The following TDRKH variants were observed in gnomAD, a reference collection of about 807,000 sequenced individuals.
TDRKH encodes the protein tudor and KH domain containing, also known as tudor and KH domain-containing protein.
Under a neutral mutation model 61.3 loss-of-function variants are expected in TDRKH, and 28 were observed. The ratio of observed to expected loss-of-function variants is 0.46; its 90% CI spans 0.34 to 0.63. The LOEUF (loss-of-function observed/expected upper bound fraction) is 0.63, where lower values mean the gene tolerates loss of function less well. Ranked by LOEUF, TDRKH falls within the 20% of genes least tolerant of loss-of-function variation. The pLI is 0.01. For synonymous variants in TDRKH, 219 were observed against 244.4 expected, an observed-to-expected ratio of 0.90 and a Z score of 0.97; for missense variants, 540 against 683.4, an observed-to-expected ratio of 0.79 and a Z score of 2.34.
Position 151,780,097 on chromosome 1 carries a change from T to A in TDRKH, c.275A>T (p.Asp92Val). 6.2e-7 allele frequency: 1 copy of A among 1,613,980 alleles called. No homozygotes were observed. Among genetic ancestry groups the A allele is most frequent in the Non-Finnish European group, 8.5e-7 (1 of 1,179,900 alleles). ...AAGCAGCACTCGCTCATCGCCTACA[T>A]CCTCTGTGTCCACATCAATCCGAGC... Reference protein sequence around the residue: ...TGARIDVDTEDVGDERVLLIS... With the variant: ...TGARIDVDTEVVGDERVLLIS... Residue 92 changes from aspartate to valine, a missense_variant, in exon 4 of 13, where the codon GAT (aspartate) becomes GTT (valine). Asp to Val is a radical substitution (Grantham distance 152). This residue lies in a region of TDRKH where 156 missense variants were observed against 218.0 expected (regional missense o/e 0.72). Coordinates refer to ENST00000368824, the MANE Select transcript of TDRKH (RefSeq NM_001083965.2).
In TDRKH at chr1:151,774,510, G is replaced by A. The variant is rs1648958659; in HGVS notation, c.1634-6C>T. 1 of 1,614,078 alleles carries A rather than the reference G, an allele frequency of 6.2e-7. No individual in the cohort carries two copies. Among genetic ancestry groups the A allele is most frequent in the South Asian group, 1.1e-5 (1 of 91,066 alleles). On this transcript the variant is annotated splice_region_variant and splice_polypyrimidine_tract_variant and intron_variant, in intron 12 of 12. Coordinates refer to ENST00000368824, the MANE Select transcript of TDRKH (RefSeq NM_001083965.2). The stretch of plus-strand genomic sequence containing the variant: ...ACCAGACATGGAAGCAGCTTCTATT[G>A]AAGATAAATAAGAAGGAGAAAGTTA...
chr1:151,775,075 A>C lies in TDRKH; in HGVS notation c.1526T>G (p.Leu509Trp). Residue 509 changes from leucine to tryptophan, a missense_variant, in exon 11 of 13, where the codon TTG (leucine) becomes TGG (tryptophan). Leu to Trp is a moderately conservative substitution (Grantham distance 61). Around this residue, in one of 3 missense-constraint regions of TDRKH, gnomAD observed 379 missense variants for 443.8 expected, o/e 0.85. Transcript: ENST00000368824. ...ACTACAATAGCTCACCATGTCCTTCAACATGTCTGGGACAGCTCTGTTTTC... is the reference window on the plus strand; with the variant it reads ...ACTACAATAGCTCACCATGTCCTTCCACATGTCTGGGACAGCTCTGTTTTC... ...IEENRAVPDM[L>W]KDMATETDAS... 1 of 1,614,152 alleles carries C rather than the reference A, an allele frequency of 6.2e-7. No individual in the cohort carries two copies. Among genetic ancestry groups the C allele is most frequent in the Non-Finnish European group, 8.5e-7 (1 of 1,180,020 alleles).
intron 1 of TDRKH, among the ~76,000 whole-genome samples, 186 bp downstream of exon 1, chr1:151,790,194 C>A (rs1650781751): frequency 6.6e-6 from 1 of 152,138 alleles, no homozygotes; most frequent in African/African-American, 2.4e-5. Context: ...GATACAGTTA[C>A]GAGTTCCCAG....
At chr1:151,772,671 C>T (rs1255052626), downstream of TDRKH, among the ~76,000 whole-genome samples, 1 of 152,148 alleles carries the variant, frequency 6.6e-6, no homozygotes, top group Non-Finnish European at 1.5e-5. Context: ...CCTCACAGTA[C>T]TGTCAGAAAG....
downstream of TDRKH, chr1:151,770,418 GTTCC>G: frequency 7.5e-6 from 8 of 1,062,142 alleles, no homozygotes; most frequent in Non-Finnish European, 1.0e-5. Context: ...GTTGTAACTT[GTTCC>G]ATCAAGTTAC....
chr1:151,779,625 G>A (rs1188462027), intron 4 of TDRKH: 1 of 371,960 alleles, frequency 2.7e-6, no homozygotes, highest in African/African-American at 2.1e-5. Flanking sequence ...AAGCATAAAA[G>A]GTACCCTCTA....
Position 151,779,088 on chromosome 1 carries a change from C to T in TDRKH, c.561+15G>A. On this transcript the variant is annotated intron_variant, in intron 5 of 12. Transcript: ENST00000368824. Reference sequence around the variant, plus strand: ...TCTCATGCTCAGGTATAATTCAAGTCTATTAGCTACTTGCCTTGGCTGCTG... The same window carrying T: ...TCTCATGCTCAGGTATAATTCAAGTTTATTAGCTACTTGCCTTGGCTGCTG... 6.2e-7 allele frequency: 1 copy of T among 1,613,828 alleles called. No homozygotes were observed. The highest frequency in any genetic ancestry group is 8.5e-7 in the Non-Finnish European group (1 of 1,179,928).
intron 1 of TDRKH, among the ~76,000 whole-genome samples, chr1:151,785,687 C>T (rs1650246304): frequency 6.6e-6 from 1 of 152,086 alleles, no homozygotes; most frequent in Non-Finnish European, 1.5e-5. Context: ...TTGTAAAAAA[C>T]CTTGTAAAGT....
downstream of TDRKH, chr1:151,771,354 G>A (rs941570955): frequency 1.5e-5 from 22 of 1,483,156 alleles, no homozygotes; most frequent in African/African-American, 2.8e-5. Flanking sequence ...GTTTCTTGGG[G>A]GGGTGGGTAA....
chr1:151,770,040 T>C (rs538398107), downstream of TDRKH: 243 of 1,502,788 alleles, frequency 1.6e-4, no homozygotes, highest in African/African-American at 2.9e-3. Flanking sequence ...CAGCTTCGGC[T>C]TTCACAACTT....
chr1:151,779,299 G>A (rs1295576345), intron 4 of TDRKH, 57 bp from the exon 5 acceptor site: 6 of 1,587,884 alleles, frequency 3.8e-6, no homozygotes, highest in Non-Finnish European at 5.1e-6. Flanking sequence ...CTTAGCTACT[G>A]GAGAAATCAC....
At chr1:151,768,987 TTA>T (rs1394445432), downstream of TDRKH, among the ~76,000 whole-genome samples, 2 of 152,104 alleles carry the variant, frequency 1.3e-5, no homozygotes, top group Non-Finnish European at 2.9e-5. Flanking sequence ...GGGGGTAAGG[TTA>T]TAGATTAACA....
intron 2 of TDRKH, chr1:151,782,105 C>G (rs1445392970): frequency 2.4e-6 from 1 of 415,398 alleles, no homozygotes; most frequent in Admixed American, 3.0e-5. Context: ...CTGAAGAAAG[C>G]ACATCAATGG....
chr1:151,782,058 AGAAAT>A (rs746971156), intron 2 of TDRKH: 1 of 439,996 alleles, frequency 2.3e-6, no homozygotes, highest in South Asian at 1.6e-5. Context: ...AGATGAGTAT[AGAAAT>A]TAAAAAAGAA....
intron 6 of TDRKH, among the ~76,000 whole-genome samples, chr1:151,777,378 G>T (rs558194151): frequency 2.0e-5 from 3 of 152,068 alleles, no homozygotes; most frequent in Non-Finnish European, 4.4e-5. Context: ...CCTGGGAGGC[G>T]GAGGTTGCAG....
downstream of TDRKH, chr1:151,767,996 ACACCCCCATCTGCCTGAGGTCTGATTTG>A (rs1648424505): frequency 1.3e-6 from 2 of 1,594,058 alleles, no homozygotes; most frequent in South Asian, 2.3e-5. Flanking sequence ...TTCAACGGAC[ACACCCCCATCTGCCTGAGGTCTGATTTG>A]AAGACTAGAG....
chr1:151,777,931 C>T (rs1365280975), intron 6 of TDRKH, among the ~76,000 whole-genome samples: 3 of 151,648 alleles, frequency 2.0e-5, no homozygotes, highest in East Asian at 3.9e-4. Context: ...TTTGTTAAGC[C>T]GTTACAAAAA....
At position 151,776,198 on chromosome 1, in the gene TDRKH, C is replaced by T. The variant is rs969114751; in HGVS notation, c.1115G>A (p.Arg372Gln). 63 of 1,613,970 alleles carry T rather than the reference C, an allele frequency of 3.9e-5. No homozygotes were observed. The highest frequency in any genetic ancestry group is 5.1e-5 in the Non-Finnish European group (60 of 1,180,038). The stretch of plus-strand genomic sequence containing the variant: ...CTCCAAGGTGCCGAGGACCCGGGCT[C>T]GATACCAGGAACCATTTGTAGGTAA... ...APLPTNGSWY[R>Q]ARVLGTLENG... Residue 372 changes from arginine to glutamine, a missense_variant, in exon 8 of 13, where the codon CGA becomes CAA. Coordinates refer to ENST00000368824, the MANE Select transcript of TDRKH (RefSeq NM_001083965.2).
At position 151,774,467 on chromosome 1, in the gene TDRKH, A is replaced by G. The variant is rs772072328; in HGVS notation, c.1671T>C (p.Asp557=). 1.2e-6 allele frequency: 2 copies of G among 1,614,194 alleles called. No homozygotes were observed. The highest frequency in any genetic ancestry group is 1.1e-5 in the South Asian group (1 of 91,084). Residue 557 remains aspartate (D), a synonymous_variant, in exon 13 of 13, where the codon GAT becomes GAC. Coordinates refer to ENST00000368824, the MANE Select transcript of TDRKH (RefSeq NM_001083965.2). ...AGCCCAGACTTCAGAGTAAGTAGTC[A>G]TCTTCAAGGTTATCATCACCAGACA... ...ASMSGDDNLE[D]DYLL
Sources: allele counts gnomAD v4.1 joint callset (sites outside exome capture counted in the v4.1 genomes callset), GRCh38; gene constraint gnomAD v4.1.1; regional missense constraint gnomAD v4.1.1; transcripts MANE v1.5; gene names NCBI Gene and HGNC (gene_info 2026-07-23, HGNC 2026-07-21).